Variants in C2CD5 observed in about 807,000 individuals in gnomAD.
C2CD5 encodes the protein C2 domain-containing protein 5.
Under a neutral mutation model 130.3 loss-of-function variants are expected in C2CD5, and 109 were observed. The observed-to-expected ratio is 0.84, with a 90% CI of 0.72 to 0.98. C2CD5 has a LOEUF of 0.98. C2CD5 is among the 50% of genes least tolerant of loss of function. C2CD5 has a pLI of 0.00. For missense variants in C2CD5, 996 were observed against 1,261.8 expected (o/e 0.79, Z 3.19); for synonymous variants, 454 against 429.2 (o/e 1.06, Z -0.71).
chr12:22,544,290 C>G (rs2137415331), intron 1 of C2CD5, 30 bp downstream of exon 1: 7 of 634,276 alleles, frequency 1.1e-5, no homozygotes, highest in Non-Finnish European at 1.8e-5. Flanking sequence ...GCGCGGGCGC[C>G]CGGCAGTCGC....
chr12:22,453,229 T>TA (rs1423502279), intron 26 of C2CD5, among the ~76,000 whole-genome samples: 1 of 152,126 alleles, frequency 6.6e-6, no homozygotes, highest in Non-Finnish European at 1.5e-5. Flanking sequence ...CAGGGCCAAT[T>TA]ACCAGCAGCC....
intron 11 of C2CD5, among the ~76,000 whole-genome samples, chr12:22,491,667 T>C (rs1946373646): frequency 6.6e-6 from 1 of 151,294 alleles, no homozygotes; most frequent in South Asian, 2.1e-4. Context: ...AGGTCAGGAG[T>C]TCGAGATCAG....
At chr12:22,480,156 T>G (rs1944493046) in intron 14 of C2CD5, among the ~76,000 whole-genome samples, 1 of 152,164 alleles carries the variant, frequency 6.6e-6, no homozygotes, top group African/African-American at 2.4e-5. Flanking sequence ...ACCTCTAATG[T>G]GTTTTAGCTC....
chr12:22,472,213 G>C, intron 18 of C2CD5, 73 bp downstream of exon 18: 6 of 957,906 alleles, frequency 6.3e-6, no homozygotes, highest in Non-Finnish European at 9.5e-6. Flanking sequence ...AAAAAAAAAA[G>C]ACAAATATTT....
chr12:22,464,075 A>G (rs976330465), intron 22 of C2CD5, among the ~76,000 whole-genome samples: 2 of 152,212 alleles, frequency 1.3e-5, no homozygotes, highest in African/African-American at 2.4e-5. Context: ...AACCTGATCT[A>G]TAACGATACT....
chr12:22,525,910 T>G (rs1950674658), intron 4 of C2CD5, among the ~76,000 whole-genome samples: 1 of 152,208 alleles, frequency 6.6e-6, no homozygotes, highest in South Asian at 2.1e-4. Context: ...AATACTTTAT[T>G]TAAAAAATAG....
At chr12:22,535,731 T>C (rs1276184571) in intron 2 of C2CD5, among the ~76,000 whole-genome samples, 1 of 152,208 alleles carries the variant, frequency 6.6e-6, no homozygotes, top group Non-Finnish European at 1.5e-5. Flanking sequence ...ACCTCATTCA[T>C]ACTAAGAGAA....
chr12:22,534,571 A>G (rs576456760), intron 3 of C2CD5: 3 of 152,232 alleles, frequency 2.0e-5, no homozygotes, highest in Non-Finnish European at 4.4e-5. Flanking sequence ...TACACATACA[A>G]TGGGTTATTA....
intron 3 of C2CD5, among the ~76,000 whole-genome samples, chr12:22,530,905 T>C (rs1003988145): frequency 2.6e-5 from 4 of 152,146 alleles, no homozygotes; most frequent in Non-Finnish European, 5.9e-5. Flanking sequence ...TAAAATGAAA[T>C]ATCATTTTTT....
chr12:22,528,417 TC>T (rs1208322699), intron 3 of C2CD5, among the ~76,000 whole-genome samples: 1 of 152,230 alleles, frequency 6.6e-6, no homozygotes, highest in Non-Finnish European at 1.5e-5. Context: ...TTAGTCATTA[TC>T]GAGTTGTTAT....
chr12:22,450,595 C>T (rs939653801), intron 26 of C2CD5, among the ~76,000 whole-genome samples: 2 of 151,764 alleles, frequency 1.3e-5, no homozygotes, highest in Admixed American at 6.6e-5. Context: ...TATATATATC[C>T]TTCTATATTT....
At chr12:22,502,754 T>C in intron 10 of C2CD5, 1 of 1,529,056 alleles carries the variant, frequency 6.5e-7, no homozygotes, top group Non-Finnish European at 8.8e-7. Flanking sequence ...TTGAAACTAT[T>C]CCAGTCTAGC....
intron 15 of C2CD5, among the ~76,000 whole-genome samples, chr12:22,476,681 T>C (rs927273297): frequency 1.3e-5 from 2 of 151,990 alleles, no homozygotes; most frequent in African/African-American, 4.8e-5. Context: ...TATGTAACAG[T>C]TTCTATACAA....
At chr12:22,455,065 A>T (rs1939533753) in intron 25 of C2CD5, among the ~76,000 whole-genome samples, 1 of 152,146 alleles carries the variant, frequency 6.6e-6, no homozygotes, top group African/African-American at 2.4e-5. Context: ...CTGGAAGTGA[A>T]GGGGAAAAAT....
At position 22,513,328 on chromosome 12, in the gene C2CD5, A is replaced by C. The variant is rs1248978415; in HGVS notation, c.1004T>G (p.Leu335Ter). The change falls in exon 9 of 27, where the codon TTA becomes TGA. Residue 335 changes from leucine (L) to a stop codon, truncating the protein, a stop_gained. Transcript: ENST00000446597. LOFTEE classifies it high-confidence loss of function. The part of the protein sequence containing the change: ...GKEGGPFKAL[L>*]RQQTQSALEQ... ...CAACGCTGATTGAGTCTGTTGTCTT[A>C]AAAGAGCTTTAAAGGGCCCCCCTTC... The C allele has an allele frequency of 6.2e-7, 1 of 1,612,050 alleles. No individual in the cohort carries two copies. Among genetic ancestry groups the C allele is most frequent in the East Asian group, 2.2e-5 (1 of 44,808 alleles).
At position 22,477,585 on chromosome 12, in the gene C2CD5, G is replaced by A. The variant is rs75058288; in HGVS notation, c.1902+728C>T. ...GTGCAGGTTTGTTACATATGTATAC[G>A]TGTGAATGTTATACTTTCCTTTTGT... On this transcript the variant is annotated intron_variant, in intron 15 of 26. Transcript: ENST00000446597. Among the ~76,000 whole-genome samples the A allele has an allele frequency of 1.7e-3, 259 of 152,002 alleles. 2 individuals carry two copies. The East Asian group carries it at 0.039, about 23-fold the overall frequency.
At chr12:22,501,682 A>G (rs1947814423) in intron 10 of C2CD5, among the ~76,000 whole-genome samples, 1 of 152,162 alleles carries the variant, frequency 6.6e-6, no homozygotes, top group Admixed American at 6.5e-5. Context: ...TTACCGATTG[A>G]TATCAATCTA....
At chr12:22,527,142 G>A (rs1950788911) in intron 4 of C2CD5, among the ~76,000 whole-genome samples, 1 of 151,824 alleles carries the variant, frequency 6.6e-6, no homozygotes, top group Non-Finnish European at 1.5e-5. Context: ...TTGAAAATGT[G>A]TTTTAGAAAC....
chr12:22,487,678 T>C (rs982181096), intron 12 of C2CD5, among the ~76,000 whole-genome samples: 10 of 152,038 alleles, frequency 6.6e-5, no homozygotes, highest in Non-Finnish European at 1.2e-4. Flanking sequence ...GAAATACCAT[T>C]TGACCCAGCC....
Sources: allele counts gnomAD v4.1 joint callset (sites outside exome capture counted in the v4.1 genomes callset), GRCh38; gene constraint gnomAD v4.1.1; transcripts MANE v1.5; gene names NCBI Gene and HGNC (gene_info 2026-07-23, HGNC 2026-07-21).